The following MACROD1 variants were observed in gnomAD, a reference collection of about 807,000 sequenced individuals.
MACROD1 encodes mono-ADP ribosylhydrolase 1, also known as ADP-ribose glycohydrolase MACROD1.
MACROD1 carries 31 observed loss-of-function variants against 41.4 expected under a neutral mutation model. The ratio of observed to expected loss-of-function variants is 0.75; its 90% confidence interval spans 0.56 to 1.01. The LOEUF is 1.01. Among genes scored for constraint, MACROD1 ranks in the 50% least tolerant of loss-of-function variants. The pLI, the probability that MACROD1 is intolerant of heterozygous loss-of-function variation, is 0.00. For synonymous variants in MACROD1, 252 were observed against 203.4 expected (o/e 1.24, Z -2.03); for missense variants, 473 against 460.0 (o/e 1.03, Z -0.26).
chr11:64,045,377 G>A (rs1287764035), intron 3 of MACROD1, among the ~76,000 whole-genome samples: 1 of 152,076 alleles, frequency 6.6e-6, no homozygotes, highest in African/African-American at 2.4e-5. Flanking sequence ...GCTCCGCCGG[G>A]ACCTGGGCAT....
At chr11:64,020,278 G>A (rs61884698) in intron 3 of MACROD1, among the ~76,000 whole-genome samples, 2,714 of 152,254 alleles carry the variant, frequency 0.018, 34 homozygotes, top group Middle Eastern at 0.031. Context: ...TCTGGAAGAC[G>A]TGTTTACAGA....
rs774610946 is a variant in MACROD1 at position 64,116,381 on chromosome 11, C to G, written c.517+34858G>C. 2.5e-6 allele frequency: 4 copies of G among 1,613,824 alleles called. No individual in the cohort carries two copies. The East Asian group carries it at 8.9e-5, about 36-fold the overall frequency. ...ACCTGCGGGACTGGCTGTTCCTCTG[C>G]TACGGGCTCATCGCCTTCCTGACGG... is the stretch of plus-strand genomic sequence containing the variant. On this transcript the variant is annotated intron_variant, in intron 3 of 10. Transcript: ENST00000255681.
chr11:64,159,382 G>C (rs1021898704), intron 1 of MACROD1, among the ~76,000 whole-genome samples: 3 of 151,440 alleles, frequency 2.0e-5, no homozygotes, highest in Non-Finnish European at 4.4e-5. Context: ...TGTAATCCCA[G>C]CTACTCAAGA....
intron 3 of MACROD1, among the ~76,000 whole-genome samples, chr11:64,121,566 C>T (rs750082826): frequency 2.0e-5 from 3 of 152,226 alleles, no homozygotes; most frequent in Non-Finnish European, 4.4e-5. Flanking sequence ...CGTTCTGAAA[C>T]CCCATCCCCT....
chr11:64,024,703 G>T (rs190099600), intron 3 of MACROD1, among the ~76,000 whole-genome samples: 1 of 152,228 alleles, frequency 6.6e-6, no homozygotes, highest in African/African-American at 2.4e-5. Flanking sequence ...GAGCCTTGGC[G>T]GGTGGGAGGG....
intron 3 of MACROD1, among the ~76,000 whole-genome samples, chr11:64,025,908 C>T (rs929728001): frequency 1.2e-4 from 18 of 152,020 alleles, no homozygotes; most frequent in African/African-American, 4.1e-4. Flanking sequence ...TCGGGCCGGG[C>T]GCCGTAACTC....
chr11:64,118,969 CTTCAG>C (rs981072697), intron 3 of MACROD1: 2 of 166,980 alleles, frequency 1.2e-5, no homozygotes, highest in Non-Finnish European at 2.9e-5. Flanking sequence ...CTGAAGCCCT[CTTCAG>C]TTCCATGCAC....
At chr11:64,145,609 G>A (rs970229343) in intron 3 of MACROD1, among the ~76,000 whole-genome samples, 20 of 152,178 alleles carry the variant, frequency 1.3e-4, no homozygotes, top group Admixed American at 2.6e-4. Flanking sequence ...TCCTGGCCAC[G>A]GTGCGCACAG....
chr11:64,138,424 T>C (rs907063359), intron 3 of MACROD1: 2 of 792,296 alleles, frequency 2.5e-6, no homozygotes, highest in African/African-American at 3.7e-5. Flanking sequence ...TCCTCACAAA[T>C]GTCAATTCTG....
At chr11:64,011,726 C>T (rs1943019233) in intron 4 of MACROD1, among the ~76,000 whole-genome samples, 1 of 150,842 alleles carries the variant, frequency 6.6e-6, no homozygotes, top group Non-Finnish European at 1.5e-5. Context: ...CAGGATGGCC[C>T]TTGTGCGTGT....
chr11:63,999,622 C>T lies in MACROD1; in HGVS notation c.786+20G>A. On this transcript the variant is annotated intron_variant, in intron 6 of 10. Transcript: ENST00000255681. The stretch of plus-strand genomic sequence containing the variant: ...TCACTGCGCCCCGCCTCCCGCCCTC[C>T]CCCGCGGGCCGTCCCTCACCACCGA... 1 of 1,609,490 alleles carries T rather than the reference C, an allele frequency of 6.2e-7. No homozygotes were observed. The highest frequency in any genetic ancestry group is 8.5e-7 in the Non-Finnish European group (1 of 1,178,830).
intron 3 of MACROD1, among the ~76,000 whole-genome samples, chr11:64,033,303 C>T (rs1035557682): frequency 8.5e-5 from 13 of 152,236 alleles, no homozygotes; most frequent in Admixed American, 2.0e-4. Context: ...CCATATCCCC[C>T]GAACTGTGCA....
chr11:64,022,841 T>C (rs755510279), intron 3 of MACROD1, among the ~76,000 whole-genome samples: 40 of 147,904 alleles, frequency 2.7e-4, no homozygotes, highest in South Asian at 1.9e-3. Flanking sequence ...GGGCACCAAG[T>C]GCATCCCCAG....
At chr11:64,165,530 G>C (rs1201394934) in intron 1 of MACROD1, among the ~76,000 whole-genome samples, 167 bp downstream of exon 1, 5 of 150,740 alleles carry the variant, frequency 3.3e-5, no homozygotes, top group Admixed American at 6.6e-5. Context: ...GCGCGGGGGC[G>C]GGGGGGGCTG....
chr11:64,081,095 C>T (rs1169365488), intron 3 of MACROD1, among the ~76,000 whole-genome samples: 1 of 152,192 alleles, frequency 6.6e-6, no homozygotes, highest in African/African-American at 2.4e-5. Flanking sequence ...GATCTCAGCT[C>T]ACTGCAACCT....
chr11:64,130,688 C>T (rs1945252711), intron 3 of MACROD1, among the ~76,000 whole-genome samples: 1 of 152,182 alleles, frequency 6.6e-6, no homozygotes, highest in Non-Finnish European at 1.5e-5. Context: ...CCAGGACCCC[C>T]CCACACATGC....
At chr11:64,071,525 C>T (rs932856904) in intron 3 of MACROD1, among the ~76,000 whole-genome samples, 5 of 152,160 alleles carry the variant, frequency 3.3e-5, no homozygotes, top group Middle Eastern at 3.2e-3. Context: ...CCCTGGGGCC[C>T]ATCCCAGACC....
intron 3 of MACROD1, among the ~76,000 whole-genome samples, chr11:64,083,790 T>C (rs1041739225): frequency 6.6e-6 from 1 of 152,054 alleles, no homozygotes; most frequent in African/African-American, 2.4e-5. Context: ...ATTCCCAAGG[T>C]CAAGGGGTGA....
At chr11:64,124,298 C>T (rs552434689) in intron 3 of MACROD1, among the ~76,000 whole-genome samples, 1 of 152,326 alleles carries the variant, frequency 6.6e-6, no homozygotes, top group East Asian at 1.9e-4. Flanking sequence ...GGACCTGTCT[C>T]TTAAGCCAGG....
Sources: allele counts gnomAD v4.1 joint callset (sites outside exome capture counted in the v4.1 genomes callset), GRCh38; gene constraint gnomAD v4.1.1; transcripts MANE v1.5; gene names NCBI Gene and HGNC (gene_info 2026-07-23, HGNC 2026-07-21).